Variants in EDIL3 observed in about 807,000 individuals in gnomAD.
The protein encoded by EDIL3 is EGF like and discoidin domains 3.
Under a neutral mutation model 67.4 loss-of-function variants are expected in EDIL3, and 37 were observed. The ratio of observed to expected loss-of-function variants is 0.55; its 90% CI spans 0.42 to 0.72. EDIL3 has a LOEUF of 0.72. Among genes scored for constraint, EDIL3 ranks in the 30% least tolerant of loss-of-function variants. The probability of loss-of-function intolerance (pLI) is 0.00; values close to 1 mark genes in which losing one functional copy is unlikely to be tolerated. For missense variants in EDIL3, 527 were observed against 586.3 expected (o/e 0.90, Z 1.04); for synonymous variants, 195 against 196.3 (o/e 0.99, Z 0.05).
chr5:84,347,766 T>C (rs1004161295), intron 1 of EDIL3, among the ~76,000 whole-genome samples: 3 of 152,242 alleles, frequency 2.0e-5, no homozygotes, highest in African/African-American at 4.8e-5. Context: ...GTTTTTGCCC[T>C]TGCAGGAACT....
intron 2 of EDIL3, among the ~76,000 whole-genome samples, chr5:84,248,099 T>C (rs963635328): frequency 1.6e-4 from 25 of 152,318 alleles, no homozygotes; most frequent in African/African-American, 5.5e-4. Context: ...ATTTGATAGA[T>C]GAATGAGTAA....
chr5:84,007,459 C>A (rs758177044), intron 9 of EDIL3, among the ~76,000 whole-genome samples: 1 of 152,026 alleles, frequency 6.6e-6, no homozygotes, highest in Non-Finnish European at 1.5e-5. Flanking sequence ...AGAAAATGGG[C>A]AGAAATCTGA....
At chr5:84,059,311 G>A (rs1746502265) in intron 9 of EDIL3, among the ~76,000 whole-genome samples, 1 of 152,124 alleles carries the variant, frequency 6.6e-6, no homozygotes, top group Non-Finnish European at 1.5e-5. Context: ...GCTGAGGCAG[G>A]AGGACTGCTG....
chr5:84,012,574 G>A (rs933586822), intron 9 of EDIL3, among the ~76,000 whole-genome samples: 2 of 152,032 alleles, frequency 1.3e-5, no homozygotes, highest in African/African-American at 2.4e-5. Flanking sequence ...GTAGCATTTG[G>A]AAAAATGCCT....
At chr5:84,270,004 C>T (rs1684339527) in intron 1 of EDIL3, among the ~76,000 whole-genome samples, 1 of 152,142 alleles carries the variant, frequency 6.6e-6, no homozygotes, top group Non-Finnish European at 1.5e-5. Flanking sequence ...TGATCTCTCT[C>T]TAAAGTTGGA....
intron 9 of EDIL3, among the ~76,000 whole-genome samples, chr5:84,042,866 G>A (rs58647508): frequency 3.3e-5 from 5 of 152,144 alleles, no homozygotes; most frequent in East Asian, 1.9e-4. Flanking sequence ...ATTTTAAAAC[G>A]GTGAATATCC....
At chr5:84,145,553 C>T (rs550869555) in intron 4 of EDIL3, among the ~76,000 whole-genome samples, 3 of 152,106 alleles carry the variant, frequency 2.0e-5, no homozygotes, top group South Asian at 4.2e-4. Flanking sequence ...CATTCACATT[C>T]TCTAAAATTT....
chr5:84,236,893 T>C (rs1351265973), intron 2 of EDIL3, among the ~76,000 whole-genome samples: 1 of 152,012 alleles, frequency 6.6e-6, no homozygotes, highest in Non-Finnish European at 1.5e-5. Flanking sequence ...CAAAAGTTAA[T>C]ATAAATGATT....
chr5:84,077,033 G>T lies in EDIL3; in HGVS notation c.652-10427C>A, dbSNP rs60138440. Among the ~76,000 whole-genome samples, 1,164 of 152,240 alleles carry T rather than the reference G, an allele frequency of 7.6e-3. 15 individuals carry two copies. Among genetic ancestry groups the T allele is most frequent in the African/African-American group, 0.027 (1,118 of 41,544 alleles). ...AGGATTGACATTTAATAAAATAATA[G>T]AATTAGTTATCATTACTGCTTCATC... On this transcript the variant is annotated intron_variant, in intron 6 of 10. Coordinates refer to ENST00000296591, the MANE Select transcript of EDIL3 (RefSeq NM_005711.5).
At position 83,942,850 on chromosome 5, in the gene EDIL3, A is replaced by G. The variant is rs532911675; in HGVS notation, c.*569T>C. The stretch of plus-strand genomic sequence containing the variant: ...AAGAAGTCACATAATCTCTTATTAG[A>G]AATAATGAAAGTAAAATGAGAATTA... On this transcript the variant is annotated 3_prime_UTR_variant, in exon 11 of 11. Coordinates refer to ENST00000296591, the MANE Select transcript of EDIL3 (RefSeq NM_005711.5). 9.8e-5 allele frequency: 15 copies of G among 152,796 alleles called. No individual in the cohort carries two copies. The highest frequency in any genetic ancestry group is 2.9e-4 in the African/African-American group (12 of 41,576). The allele number at this position is 152,796 out of a possible 1,614,324, so 9.5% of individuals were successfully genotyped here.
At chr5:84,045,640 A>C (rs754371141) in intron 9 of EDIL3, among the ~76,000 whole-genome samples, 7 of 152,200 alleles carry the variant, frequency 4.6e-5, no homozygotes, top group Non-Finnish European at 8.8e-5. Context: ...AATTTTACCA[A>C]AGATCAATAC....
intron 9 of EDIL3, among the ~76,000 whole-genome samples, chr5:84,005,719 C>T (rs896396408): frequency 3.3e-5 from 5 of 151,994 alleles, no homozygotes; most frequent in Non-Finnish European, 7.4e-5. Flanking sequence ...CAATATCATA[C>T]TGAATGGGCA....
chr5:84,361,522 T>C (rs1005676334), intron 1 of EDIL3, among the ~76,000 whole-genome samples: 6 of 152,058 alleles, frequency 3.9e-5, no homozygotes, highest in Non-Finnish European at 1.5e-5. Context: ...CATTAACTAT[T>C]GCCCATTCTT....
intron 5 of EDIL3, among the ~76,000 whole-genome samples, chr5:84,121,740 T>C (rs1021099459): frequency 2.0e-5 from 3 of 152,076 alleles, no homozygotes; most frequent in African/African-American, 7.2e-5. Flanking sequence ...CCTCTGTCCT[T>C]TTCTTCGCTG....
chr5:84,334,850 T>C (rs555939089), intron 1 of EDIL3, among the ~76,000 whole-genome samples: 1 of 152,212 alleles, frequency 6.6e-6, no homozygotes, highest in Non-Finnish European at 1.5e-5. Flanking sequence ...GAGCATTTAG[T>C]TCATGTGCTG....
chr5:84,347,077 G>A (rs1257115262), intron 1 of EDIL3, among the ~76,000 whole-genome samples: 1 of 152,136 alleles, frequency 6.6e-6, no homozygotes, highest in Non-Finnish European at 1.5e-5. Context: ...TCCTAGCTCT[G>A]GGATTCAAAC....
chr5:84,147,823 T>C (rs1236126044), intron 4 of EDIL3, among the ~76,000 whole-genome samples: 1 of 152,092 alleles, frequency 6.6e-6, no homozygotes, highest in Non-Finnish European at 1.5e-5. Flanking sequence ...CAGTTAAATT[T>C]TGTTATACAG....
chr5:84,342,737 C>G (rs1250873150), intron 1 of EDIL3, among the ~76,000 whole-genome samples: 3 of 152,006 alleles, frequency 2.0e-5, no homozygotes, highest in African/African-American at 7.2e-5. Context: ...AAAATTTTAT[C>G]CATAAAACTT....
intron 9 of EDIL3, among the ~76,000 whole-genome samples, chr5:84,030,454 G>A (rs1001790185): frequency 3.9e-4 from 60 of 151,940 alleles, no homozygotes; most frequent in African/African-American, 1.4e-3. Context: ...TTCTAAAAAT[G>A]TCTTGTCTAC....
Sources: gnomAD v4.1 joint callset for allele counts (sites outside exome capture counted in the v4.1 genomes callset) on GRCh38, gnomAD v4.1.1 for gene constraint, MANE v1.5 for transcripts, NCBI Gene and HGNC (gene_info 2026-07-23, HGNC 2026-07-21) for gene names.